CDH13: variants seen among roughly 807,000 people sequenced by gnomAD.
CDH13 encodes the protein cadherin 13.
CDH13 carries 24 observed loss-of-function variants against 63.8 expected under a neutral mutation model. That is an observed-to-expected ratio of 0.38 (90% CI 0.27 to 0.53). The LOEUF is 0.53. CDH13 is among the 20% of genes least tolerant of loss of function. The pLI is 0.85. For missense variants in CDH13, 1,049 were observed against 903.1 expected (o/e 1.16, Z -2.07); for synonymous variants, 503 against 355.3 (o/e 1.42, Z -4.67).
At chr16:82,720,431 T>G (rs939228537) in intron 1 of CDH13, among the ~76,000 whole-genome samples, 3 of 152,202 alleles carry the variant, frequency 2.0e-5, no homozygotes, top group African/African-American at 7.2e-5. Flanking sequence ...TTTAGGGTCT[T>G]GGGTGGCCAA....
intron 1 of CDH13, among the ~76,000 whole-genome samples, chr16:82,757,375 G>C (rs1481024218): frequency 7.0e-6 from 1 of 143,178 alleles, no homozygotes; most frequent in Admixed American, 7.5e-5. Context: ...CCCTTGTCTT[G>C]AGCTTACAGG....
intron 2 of CDH13, among the ~76,000 whole-genome samples, chr16:82,941,478 C>A (rs1451279012): frequency 6.6e-6 from 1 of 152,208 alleles, no homozygotes; most frequent in East Asian, 1.9e-4. Context: ...GCTTCATCAT[C>A]TTTACATTGC....
At chr16:83,040,679 A>G (rs917111144) in intron 3 of CDH13, among the ~76,000 whole-genome samples, 1 of 152,150 alleles carries the variant, frequency 6.6e-6, no homozygotes, top group Non-Finnish European at 1.5e-5. Context: ...TCACATGTTA[A>G]TATCCTTTGG....
intron 10 of CDH13, among the ~76,000 whole-genome samples, chr16:83,744,699 C>T (rs932498703): frequency 5.9e-5 from 9 of 152,224 alleles, no homozygotes; most frequent in Non-Finnish European, 1.0e-4. Context: ...ACGGCTCCCC[C>T]GAGGGCGCCC....
At chr16:83,070,543 A>G (rs985334386) in intron 3 of CDH13, among the ~76,000 whole-genome samples, 6 of 152,180 alleles carry the variant, frequency 3.9e-5, no homozygotes, top group African/African-American at 1.4e-4. Context: ...TATTAAAAAA[A>G]CTATCTTGGT....
intron 5 of CDH13, among the ~76,000 whole-genome samples, chr16:83,280,261 G>A (rs1444340550): frequency 1.3e-5 from 2 of 152,168 alleles, no homozygotes; most frequent in Non-Finnish European, 2.9e-5. Context: ...CTAAATTTCT[G>A]TAATATTCTA....
chr16:83,202,741 C>A (rs77042249), intron 4 of CDH13, among the ~76,000 whole-genome samples: 4 of 152,128 alleles, frequency 2.6e-5, no homozygotes, highest in African/African-American at 9.7e-5. Flanking sequence ...TGATTACTAG[C>A]AAATGGGAAT....
At chr16:82,860,977 C>A (rs1050948533) in intron 2 of CDH13, among the ~76,000 whole-genome samples, 1 of 152,170 alleles carries the variant, frequency 6.6e-6, no homozygotes, top group Admixed American at 6.5e-5. Flanking sequence ...AAAACAAAAA[C>A]CTTCTGTCTC....
intron 4 of CDH13, among the ~76,000 whole-genome samples, chr16:83,129,610 C>T (rs1011272677): frequency 1.3e-5 from 2 of 152,180 alleles, no homozygotes; most frequent in Non-Finnish European, 2.9e-5. Context: ...ACTTTGACAC[C>T]AGCTGGGGTA....
At chr16:82,680,150 C>A (rs1021388745) in intron 1 of CDH13, among the ~76,000 whole-genome samples, 2 of 152,108 alleles carry the variant, frequency 1.3e-5, no homozygotes, top group Non-Finnish European at 2.9e-5. Context: ...AGAATCTGGG[C>A]CTGCAGGAAG....
At position 83,013,374 on chromosome 16, in the gene CDH13, T is replaced by C. The variant is rs144218689; in HGVS notation, c.158-18636T>C. On this transcript the variant is annotated intron_variant, in intron 2 of 13. Transcript: ENST00000567109. The stretch of plus-strand genomic sequence containing the variant: ...CATCCTATAGGAGTATGAGTTCAGC[T>C]CCTGGATTCAGCATCTCAGTTAGGC... 1.7e-3 allele frequency among the ~76,000 whole-genome samples: 254 copies of C among 152,312 alleles called. 1 individual carries two copies. Among genetic ancestry groups the C allele is most frequent in the Admixed American group, 4.8e-3 (73 of 15,300 alleles).
At chr16:82,679,857 G>T (rs1914352919) in intron 1 of CDH13, among the ~76,000 whole-genome samples, 1 of 152,162 alleles carries the variant, frequency 6.6e-6, no homozygotes, top group East Asian at 1.9e-4. Context: ...AACAGATGTG[G>T]AACAAGTTTT....
intron 8 of CDH13, among the ~76,000 whole-genome samples, chr16:83,666,726 C>T (rs1281920983): frequency 6.6e-6 from 1 of 152,020 alleles, no homozygotes; most frequent in East Asian, 1.9e-4. Flanking sequence ...TGTTCTCACC[C>T]CCTTCACCTC....
chr16:83,029,928 C>T (rs1426596769), intron 2 of CDH13, among the ~76,000 whole-genome samples: 2 of 152,184 alleles, frequency 1.3e-5, no homozygotes, highest in East Asian at 3.9e-4. Context: ...TAGTACAATT[C>T]TATGCTTACC....
chr16:82,990,156 C>T (rs548263296), intron 2 of CDH13: 7 of 152,186 alleles, frequency 4.6e-5, no homozygotes, highest in African/African-American at 7.2e-5. Context: ...CAATCTGTTG[C>T]GTCTAGAAGT....
chr16:83,290,685 A>G (rs571208835), intron 5 of CDH13, among the ~76,000 whole-genome samples: 1 of 152,330 alleles, frequency 6.6e-6, no homozygotes, highest in South Asian at 2.1e-4. Context: ...GAATGAGATC[A>G]GATTCCTCTT....
intron 3 of CDH13, among the ~76,000 whole-genome samples, chr16:83,092,747 C>G (rs1309427457): frequency 6.6e-6 from 1 of 152,088 alleles, no homozygotes; most frequent in Non-Finnish European, 1.5e-5. Flanking sequence ...CTATTATTAC[C>G]CCAAAGAGTA....
chr16:83,575,935 A>G (rs896156560), intron 7 of CDH13, among the ~76,000 whole-genome samples: 5 of 152,248 alleles, frequency 3.3e-5, no homozygotes, highest in Admixed American at 3.3e-4. Context: ...TTGATGTAAA[A>G]TTCACATAAC....
At chr16:83,395,790 C>T (rs1308984875) in intron 6 of CDH13, among the ~76,000 whole-genome samples, 3 of 152,230 alleles carry the variant, frequency 2.0e-5, no homozygotes, top group Admixed American at 2.0e-4. Flanking sequence ...TTCACCTTTC[C>T]GTTCTTTTTT....
Sources: allele counts gnomAD v4.1 joint callset (sites outside exome capture counted in the v4.1 genomes callset), GRCh38; gene constraint gnomAD v4.1.1; transcripts MANE v1.5; gene names NCBI Gene and HGNC (gene_info 2026-07-23, HGNC 2026-07-21).